Variants in PDE9A observed in about 807,000 individuals in gnomAD.
PDE9A encodes the protein phosphodiesterase 9A, also known as high affinity cGMP-specific 3',5'-cyclic phosphodiesterase 9A.
In PDE9A, 60 loss-of-function variants were observed where a neutral mutation model predicts 87.4. The ratio of observed to expected loss-of-function variants is 0.69; its 90% CI spans 0.56 to 0.85. PDE9A has a LOEUF of 0.85. Ranked by LOEUF, PDE9A falls within the 40% of genes least tolerant of loss-of-function variation. The pLI, the probability that PDE9A is intolerant of heterozygous loss-of-function variation, is 0.00. For synonymous variants in PDE9A, 272 were observed against 279.4 expected (o/e 0.97, Z 0.27); for missense variants, 665 against 779.0 (o/e 0.85, Z 1.74).
At chr21:42,744,321 C>G (rs2053618637) in intron 8 of PDE9A, among the ~76,000 whole-genome samples, 3 of 152,076 alleles carry the variant, frequency 2.0e-5, no homozygotes, top group African/African-American at 7.2e-5. Flanking sequence ...CCACTGCACT[C>G]CAGCCTGGGC....
Position 42,759,102 on chromosome 21 carries a change from C to T in PDE9A, c.897+17C>T. ...AGGTGGCTGGTGAGTGCCAAACCCG[C>T]CTTCGGTTCTTCCTGGGCACGTGGT... On this transcript the variant is annotated intron_variant, in intron 11 of 19. Transcript: ENST00000291539. The surrounding 1 kb of genome is among the most constrained non-coding windows in gnomAD (Gnocchi z 7.2). The T allele has an allele frequency of 6.3e-7, 1 of 1,589,896 alleles. No individual in the cohort carries two copies.
intron 9 of PDE9A, among the ~76,000 whole-genome samples, chr21:42,753,292 C>A (rs1053316158): frequency 6.6e-6 from 1 of 152,204 alleles, no homozygotes; most frequent in Non-Finnish European, 1.5e-5. Flanking sequence ...AAGCATGAGC[C>A]ACCATGCCCA....
chr21:42,653,825 G>T lies in PDE9A; in HGVS notation c.11G>T (p.Gly4Val). The T allele has an allele frequency of 6.4e-7, 1 of 1,564,162 alleles. No individual in the cohort carries two copies. The highest frequency in any genetic ancestry group is 8.6e-7 in the Non-Finnish European group (1 of 1,156,114). The change falls in exon 1 of 20, where the codon GGC (glycine) becomes GTC (valine). Residue 4 changes from glycine (G) to valine (V), a missense_variant. Coordinates refer to ENST00000291539, the MANE Select transcript of PDE9A (RefSeq NM_002606.3). The part of the protein sequence containing the change: MGS[G>V]SSSYRPKAIY... ...GCCGCCGGGCGCAGGATGGGATCCGGCTCCTCCAGCTACCGGCCCAAGGCC... is the reference window on the plus strand; with the variant it reads ...GCCGCCGGGCGCAGGATGGGATCCGTCTCCTCCAGCTACCGGCCCAAGGCC...
rs1429424963 is a variant in PDE9A at position 42,696,642 on chromosome 21, G to A, written c.219-2326G>A. Among the ~76,000 whole-genome samples, 1 of 152,180 alleles carries A rather than the reference G, an allele frequency of 6.6e-6. No homozygotes were observed. Among genetic ancestry groups the A allele is most frequent in the Non-Finnish European group, 1.5e-5 (1 of 68,012 alleles). On this transcript the variant is annotated intron_variant, in intron 3 of 19. Transcript: ENST00000291539. The surrounding 1 kb of genome is among the most constrained non-coding windows in gnomAD (Gnocchi z 5.1). ...GGAGCCCAGCACACCCGGCTTCTCT[G>A]CTGCCCACCCTCCACTCTGTCCTCC... is the stretch of plus-strand genomic sequence containing the variant.
intron 1 of PDE9A, among the ~76,000 whole-genome samples, chr21:42,672,935 T>C (rs894066741): frequency 1.3e-5 from 2 of 152,126 alleles, no homozygotes; most frequent in South Asian, 2.1e-4. Context: ...AATGCTGACA[T>C]GTTGAAGTTA....
At chr21:42,758,931 A>T in intron 10 of PDE9A, 68 bp from the exon 11 acceptor site, 1 of 1,229,822 alleles carries the variant, frequency 8.1e-7, no homozygotes, top group Non-Finnish European at 1.2e-6. Context: ...CAGCAGAGGG[A>T]AGGAAGCCAG....
chr21:42,765,281 C>T, intron 14 of PDE9A, 100 bp from the exon 15 acceptor site: 1 of 644,456 alleles, frequency 1.6e-6, no homozygotes, highest in South Asian at 1.9e-5. Context: ...ATAAGAGATA[C>T]ATGAAATAAT....
At chr21:42,687,640 C>G (rs2059549158) in intron 2 of PDE9A, among the ~76,000 whole-genome samples, 1 of 152,192 alleles carries the variant, frequency 6.6e-6, no homozygotes, top group Non-Finnish European at 1.5e-5. Context: ...TAAAAAAAAT[C>G]TCCCAACTCA....
chr21:42,705,124 C>T lies in PDE9A; in HGVS notation c.262+6113C>T, dbSNP rs2048712856. On this transcript the variant is annotated intron_variant, in intron 4 of 19. Coordinates refer to ENST00000291539, the MANE Select transcript of PDE9A (RefSeq NM_002606.3). This position sits in a 1 kb window ranked among gnomAD's most constrained non-coding sequence, Gnocchi z 4.3. ...CAGCGTAGAGTAGAAGGAATGGCCC[C>T]GTCCACGCGAAGGTCTGTGTTCACC... Among the ~76,000 whole-genome samples, 1 of 152,142 alleles carries T rather than the reference C, an allele frequency of 6.6e-6. No homozygotes were observed. The highest frequency in any genetic ancestry group is 2.4e-5 in the African/African-American group (1 of 41,426).
chr21:42,710,484 C>T (rs1472224799), intron 4 of PDE9A, among the ~76,000 whole-genome samples: 2 of 152,126 alleles, frequency 1.3e-5, no homozygotes, highest in Non-Finnish European at 1.5e-5. Flanking sequence ...TCCACATTCC[C>T]ACCAGCAGCA....
chr21:42,734,924 G>A (rs1057197325), intron 7 of PDE9A, among the ~76,000 whole-genome samples: 3 of 152,330 alleles, frequency 2.0e-5, no homozygotes, highest in African/African-American at 4.8e-5. Context: ...CTTCTGGAAC[G>A]AGTCACTTCC....
In PDE9A at chr21:42,732,627, T is replaced by C. The variant is rs377419718; in HGVS notation, c.497+503T>C. Among the ~76,000 whole-genome samples, 20 of 152,252 alleles carry C rather than the reference T, an allele frequency of 1.3e-4. No homozygotes were observed. In the South Asian group the frequency reaches 2.1e-3, roughly 16 times the overall value. The stretch of plus-strand genomic sequence containing the variant: ...ACGGGTGGGATTTTTTAAAAACCTT[T>C]GAATTGGCCGGGTGCGGTGGCTCAC... On this transcript the variant is annotated intron_variant, in intron 6 of 19. Transcript: ENST00000291539.
chr21:42,709,604 C>T (rs982446117), intron 4 of PDE9A, among the ~76,000 whole-genome samples: 4 of 152,190 alleles, frequency 2.6e-5, no homozygotes, highest in Non-Finnish European at 4.4e-5. Flanking sequence ...TTGAGTTTCA[C>T]GGAGTTGAAA....
At chr21:42,732,457 G>A (rs1371170798) in intron 6 of PDE9A, among the ~76,000 whole-genome samples, 3 of 152,192 alleles carry the variant, frequency 2.0e-5, no homozygotes, top group South Asian at 2.1e-4. Flanking sequence ...AAGCTTCCTC[G>A]CTGAGCTTCT....
chr21:42,769,110 G>A lies in PDE9A; in HGVS notation c.1545G>A (p.Gly515=). Residue 515 remains glycine (G), a synonymous_variant, in exon 17 of 20, where the codon GGG becomes GGA. Coordinates refer to ENST00000291539, the MANE Select transcript of PDE9A (RefSeq NM_002606.3). ...TGACCAAGGCCACAGCCCAGATTGG[G>A]TTCATCAAGTTTGTCCTGATCCCAA... is the stretch of plus-strand genomic sequence containing the variant. The part of the protein sequence containing the change: ...DKVTKATAQI[G]FIKFVLIPMF... The A allele has an allele frequency of 1.2e-6, 2 of 1,613,892 alleles. No individual in the cohort carries two copies. Among genetic ancestry groups the A allele is most frequent in the Non-Finnish European group, 1.7e-6 (2 of 1,179,824 alleles).
chr21:42,765,896 C>T (rs1036136400), intron 15 of PDE9A, among the ~76,000 whole-genome samples: 3 of 152,314 alleles, frequency 2.0e-5, no homozygotes, highest in East Asian at 1.9e-4. Context: ...CAGCATCCCC[C>T]ACCAGGCCCA....
At chr21:42,656,764 G>A (rs1444015861) in intron 1 of PDE9A, among the ~76,000 whole-genome samples, 1 of 152,084 alleles carries the variant, frequency 6.6e-6, no homozygotes, top group Non-Finnish European at 1.5e-5. Context: ...TGAGTCGGAG[G>A]TTGCCTCCTG....
chr21:42,674,692 T>TCCTCTCTCCTACCACCAG (rs2058751179), intron 1 of PDE9A, among the ~76,000 whole-genome samples: 1 of 152,118 alleles, frequency 6.6e-6, no homozygotes, highest in Non-Finnish European at 1.5e-5. Context: ...CCAGGAACCT[T>TCCTCTCTCCTACCACCAG]CCTCTCTCCT....
rs1375285056 is a variant in PDE9A, at chr21:42,689,439, C to T, written c.218+1445C>T. ...CATCTTGTCAGCCTCAGCACCAGCTCCAGCCTGGGGGGTCTCGCTCAGAAG... is the reference window on the plus strand; with the variant it reads ...CATCTTGTCAGCCTCAGCACCAGCTTCAGCCTGGGGGGTCTCGCTCAGAAG... On this transcript the variant is annotated intron_variant, in intron 3 of 19. Coordinates refer to ENST00000291539, the MANE Select transcript of PDE9A (RefSeq NM_002606.3). 7 of 661,018 alleles carry T rather than the reference C, an allele frequency of 1.1e-5. No individual in the cohort carries two copies. In the African/African-American group the frequency reaches 1.2e-4, roughly 11 times the overall value. The allele number at this position is 661,018 out of a possible 1,614,324, so 40.9% of individuals were successfully genotyped here.
Sources: gnomAD v4.1 joint callset for allele counts (sites outside exome capture counted in the v4.1 genomes callset) on GRCh38, gnomAD v4.1.1 for gene constraint, Gnocchi (gnomAD v3.1) non-coding constraint, MANE v1.5 for transcripts, NCBI Gene and HGNC (gene_info 2026-07-23, HGNC 2026-07-21) for gene names.